KIAA0232: variants seen among roughly 807,000 people sequenced by gnomAD.
The protein encoded by KIAA0232 is uncharacterized protein KIAA0232.
Under a neutral mutation model 122.0 loss-of-function variants are expected in KIAA0232, and 27 were observed. The ratio of observed to expected loss-of-function variants is 0.22; its 90% CI spans 0.16 to 0.31. The LOEUF (loss-of-function observed/expected upper bound fraction) is 0.31, where lower values mean the gene tolerates loss of function less well. Among genes scored for constraint, KIAA0232 ranks in the 10% least tolerant of loss-of-function variants. The pLI is 1.00. For missense variants in KIAA0232, 1,551 were observed against 1,634.2 expected (o/e 0.95, Z 0.88); for synonymous variants, 613 against 587.6 (o/e 1.04, Z -0.63).
chr4:6,816,799 T>G (rs1718149257), intron 2 of KIAA0232, among the ~76,000 whole-genome samples: 1 of 152,358 alleles, frequency 6.6e-6, no homozygotes, highest in East Asian at 1.9e-4. Flanking sequence ...CTGTTCATTC[T>G]GTTTCTTCTT....
At chr4:6,836,533 T>C (rs1413367859) in intron 3 of KIAA0232, among the ~76,000 whole-genome samples, 1 of 149,000 alleles carries the variant, frequency 6.7e-6, no homozygotes, top group Non-Finnish European at 1.5e-5. Context: ...TTTTTCTTTT[T>C]TTTTTTTCTT....
Position 6,864,105 on chromosome 4 carries a change from T to C in KIAA0232, c.3723T>C (p.Asn1241=), listed in dbSNP as rs769633000. The change falls in exon 7 of 10, where the codon AAT becomes AAC. Residue 1241 remains asparagine (N), a synonymous_variant. Transcript: ENST00000307659. ...TGGCACAATGCGAGGAAGAAATTAA[T>C]AATTTTTGTGGTTGCAAAGCAGGTT... ...KIMAQCEEEI[N]NFCGCKAGCQ... The C allele has an allele frequency of 6.2e-7, 1 of 1,614,104 alleles. No individual in the cohort carries two copies. Among genetic ancestry groups the C allele is most frequent in the South Asian group, 1.1e-5 (1 of 91,058 alleles).
At chr4:6,833,694 T>C (rs1719115438) in intron 3 of KIAA0232, among the ~76,000 whole-genome samples, 1 of 152,104 alleles carries the variant, frequency 6.6e-6, no homozygotes. Context: ...TGGAAGAGTA[T>C]ATACATGCCA....
intron 2 of KIAA0232, among the ~76,000 whole-genome samples, chr4:6,821,405 A>T (rs1437329942): frequency 6.6e-6 from 1 of 152,004 alleles, no homozygotes; most frequent in Non-Finnish European, 1.5e-5. Context: ...TCCAAAGTCC[A>T]CTGGTATCAT....
chr4:6,808,632 T>C (rs111725868), intron 2 of KIAA0232, among the ~76,000 whole-genome samples: 42 of 151,984 alleles, frequency 2.8e-4, no homozygotes, highest in South Asian at 1.2e-3. Flanking sequence ...CACAGTGCCT[T>C]GTACACAAGA....
intron 1 of KIAA0232, among the ~76,000 whole-genome samples, chr4:6,786,499 G>A (rs1281178304): frequency 1.3e-5 from 2 of 152,038 alleles, no homozygotes; most frequent in African/African-American, 4.8e-5. Context: ...TGTAGAAACG[G>A]GTCTCCCTGT....
At chr4:6,826,309 C>T (rs1718681589) in intron 3 of KIAA0232, among the ~76,000 whole-genome samples, 1 of 152,034 alleles carries the variant, frequency 6.6e-6, no homozygotes, top group Non-Finnish European at 1.5e-5. Context: ...TTTTGGTGGT[C>T]AGTATTTTGT....
intron 2 of KIAA0232, among the ~76,000 whole-genome samples, chr4:6,815,738 C>A (rs1718090501): frequency 6.6e-6 from 1 of 151,728 alleles, no homozygotes; most frequent in African/African-American, 2.4e-5. Context: ...ATTTTAATCA[C>A]TCATGACTAT....
intron 7 of KIAA0232, 58 bp from the exon 8 acceptor site, chr4:6,871,516 T>C: frequency 2.1e-6 from 2 of 971,752 alleles, no homozygotes; most frequent in Non-Finnish European, 3.2e-6. Flanking sequence ...TGCTTGAATA[T>C]TCTTCCTCTA....
At chr4:6,852,164 G>T (rs1720321016) in intron 4 of KIAA0232, among the ~76,000 whole-genome samples, 1 of 152,064 alleles carries the variant, frequency 6.6e-6, no homozygotes, top group Non-Finnish European at 1.5e-5. Context: ...ATGTGCATGA[G>T]AGCTGGAGAC....
At position 6,861,710 on chromosome 4, in the gene KIAA0232, A is replaced by T. The variant is rs1461360741; in HGVS notation, c.1328A>T (p.Glu443Val). ...TCAGAGGCAGTGGAAGAATTGTCTG[A>T]ATCAGTGCATGGTCTTTGTATCAGC... ...LTSEAVEELSESVHGLCISNN... is the reference protein window; with the variant it reads ...LTSEAVEELSVSVHGLCISNN... Residue 443 changes from glutamate (E) to valine (V), a missense_variant, in exon 7 of 10, where the codon GAA (glutamate) becomes GTA (valine). Transcript: ENST00000307659. 6 of 1,614,064 alleles carry T rather than the reference A, an allele frequency of 3.7e-6. No individual in the cohort carries two copies. The highest frequency in any genetic ancestry group is 5.1e-6 in the Non-Finnish European group (6 of 1,180,042).
At chr4:6,789,401 G>A (rs931045390) in intron 1 of KIAA0232, among the ~76,000 whole-genome samples, 6 of 151,254 alleles carry the variant, frequency 4.0e-5, no homozygotes, top group African/African-American at 1.5e-4. Context: ...AGACTCCCCA[G>A]TAGCTGGGAT....
intron 9 of KIAA0232, among the ~76,000 whole-genome samples, chr4:6,879,390 G>A (rs149749530): frequency 9.1e-4 from 139 of 152,250 alleles, no homozygotes; most frequent in African/African-American, 3.2e-3. Flanking sequence ...CTGCCTCTAG[G>A]ACCCATACTG....
chr4:6,803,862 C>G (rs1717495299), intron 1 of KIAA0232, among the ~76,000 whole-genome samples: 1 of 152,024 alleles, frequency 6.6e-6, no homozygotes, highest in African/African-American at 2.4e-5. Context: ...TTGAACATAT[C>G]TGAAATTTTA....
rs575689156 is a variant in KIAA0232, at chr4:6,852,831, C to G, written c.370-4333C>G. ...CAGCAAGCATGGCTGGGAGCTGTGA[C>G]CTTTCACCACATGGCAGATGGAGAA... is the stretch of plus-strand genomic sequence containing the variant. On this transcript the variant is annotated intron_variant, in intron 4 of 9. Coordinates refer to ENST00000307659, the MANE Select transcript of KIAA0232 (RefSeq NM_014743.3). 5.6e-4 allele frequency among the ~76,000 whole-genome samples: 85 copies of G among 152,274 alleles called. 1 individual carries two copies. Among genetic ancestry groups the G allele is most frequent in the African/African-American group, 2.0e-3 (83 of 41,552 alleles).
intron 3 of KIAA0232, among the ~76,000 whole-genome samples, chr4:6,831,531 G>A (rs1718980642): frequency 6.6e-6 from 1 of 152,142 alleles, no homozygotes; most frequent in South Asian, 2.1e-4. Flanking sequence ...GAACAACCAT[G>A]GATTCTGTAC....
In KIAA0232 at chr4:6,880,874, G is replaced by A. The variant is rs764098093; in HGVS notation, c.4096G>A (p.Ala1366Thr). 4.4e-6 allele frequency: 7 copies of A among 1,607,150 alleles called. No homozygotes were observed. The highest frequency in any genetic ancestry group is 2.2e-5 in the East Asian group (1 of 44,644). The change falls in exon 10 of 10, where the codon GCC becomes ACC. Residue 1366 changes from alanine (A) to threonine (T), a missense_variant. Ala to Thr is a moderately conservative substitution (Grantham distance 58). Around this residue, in one of 5 missense-constraint regions of KIAA0232, gnomAD observed 1,108 missense variants for 1,154.8 expected, o/e 0.96. Transcript: ENST00000307659. Reference sequence around the variant, plus strand: ...CTTCCGCGGAAAGATGTGCTCCAGCGCCAGCTCCACCTCGGAAGAGACAGG... The same window carrying A: ...CTTCCGCGGAAAGATGTGCTCCAGCACCAGCTCCACCTCGGAAGAGACAGG... ...DGFRGKMCSS[A>T]SSTSEETGSE... is the part of the protein sequence containing the mutation.
At chr4:6,860,240 C>G (rs185938552) in intron 6 of KIAA0232, among the ~76,000 whole-genome samples, 18 of 152,286 alleles carry the variant, frequency 1.2e-4, no homozygotes, top group Admixed American at 1.0e-3. Context: ...CTCCTCACAA[C>G]CCTGAGAGGT....
chr4:6,866,255 C>A (rs373035851), intron 7 of KIAA0232: 67 of 981,698 alleles, frequency 6.8e-5, no homozygotes, highest in Non-Finnish European at 7.5e-5. Context: ...CATATTCCTT[C>A]GCTTTCTAGT....
Sources: allele counts gnomAD v4.1 joint callset (sites outside exome capture counted in the v4.1 genomes callset), GRCh38; gene constraint gnomAD v4.1.1; regional missense constraint gnomAD v4.1.1; transcripts MANE v1.5; gene names NCBI Gene and HGNC (gene_info 2026-07-23, HGNC 2026-07-21).